The following SAMD3 variants were observed in gnomAD, a reference collection of about 807,000 sequenced individuals.
SAMD3 encodes the protein sterile alpha motif domain containing 3.
In SAMD3, 63 loss-of-function variants were observed where a neutral mutation model predicts 58.5. The observed-to-expected ratio is 1.08, with a 90% CI of 0.88 to 1.33. The LOEUF (loss-of-function observed/expected upper bound fraction) is 1.33. Among genes scored for constraint, SAMD3 ranks in the 40% most tolerant of loss-of-function variants. SAMD3 has a pLI of 0.00. For missense variants in SAMD3, 604 were observed against 608.4 expected (o/e 0.99, Z 0.08); for synonymous variants, 220 against 210.3 (o/e 1.05, Z -0.40).
intron 4 of SAMD3, among the ~76,000 whole-genome samples, chr6:130,211,887 T>C (rs913109635): frequency 6.7e-6 from 1 of 149,834 alleles, no homozygotes; most frequent in Non-Finnish European, 1.5e-5. Context: ...TGTACTCAAA[T>C]GGAAACCTAT....
intron 1 of SAMD3, among the ~76,000 whole-genome samples, chr6:130,349,977 A>G (rs1166189047): frequency 6.6e-6 from 1 of 152,236 alleles, no homozygotes; most frequent in East Asian, 1.9e-4. Flanking sequence ...AAACCACATG[A>G]TTATCTCAAT....
At chr6:130,203,288 C>A in intron 5 of SAMD3, among the ~76,000 whole-genome samples, 1 of 152,204 alleles carries the variant, frequency 6.6e-6, no homozygotes, top group South Asian at 2.1e-4. Context: ...TAAATTAATT[C>A]ATTCTTCTAT....
rs1789626796 is a variant in SAMD3 at position 130,154,801 on chromosome 6, T to C, written c.1023+24A>G. ...GTGTATATACATATATATGTGTGTGTATATATATATAGAATAAAGATACCT... is the reference window on the plus strand; with the variant it reads ...GTGTATATACATATATATGTGTGTGCATATATATATAGAATAAAGATACCT... On this transcript the variant is annotated intron_variant, in intron 9 of 11. Transcript: ENST00000439090. 3.2e-6 allele frequency: 4 copies of C among 1,248,246 alleles called. No homozygotes were observed. In the South Asian group the frequency reaches 5.1e-5, roughly 16 times the overall value. The allele number at this position is 1,248,246 out of a possible 1,614,324, so 77.3% of individuals were successfully genotyped here.
chr6:130,145,377 C>T lies in SAMD3; in HGVS notation c.1241G>A (p.Gly414Glu). 1 of 1,611,560 alleles carries T rather than the reference C, an allele frequency of 6.2e-7. No individual in the cohort carries two copies. The highest frequency in any genetic ancestry group is 1.3e-5 in the African/African-American group (1 of 75,018). ...GATGACAAAAAGGCTGGGATCATCC[C>T]CAAAAACATCTGGGAGGAGTAAACA... ...ATCLLLPDVF[G>E]DDPSLFVIMN... The change falls in exon 11 of 12, where the codon GGG (glycine) becomes GAG (glutamate). Residue 414 changes from glycine (G) to glutamate (E), a missense_variant. Gly to Glu is a moderately conservative substitution (Grantham distance 98, BLOSUM62 -2). Coordinates refer to ENST00000439090, the MANE Select transcript of SAMD3 (RefSeq NM_001017373.4).
At chr6:130,271,254 C>A (rs1224701103) in intron 2 of SAMD3, among the ~76,000 whole-genome samples, 2 of 152,122 alleles carry the variant, frequency 1.3e-5, no homozygotes, top group African/African-American at 4.8e-5. Context: ...CCTGCCTCAG[C>A]CTCCCAAAGT....
At chr6:130,316,288 T>TA (rs777240578) in intron 1 of SAMD3, among the ~76,000 whole-genome samples, 4,832 of 79,868 alleles carry the variant, frequency 0.06, 191 homozygotes, top group African/African-American at 0.11. Context: ...AAGGCTGTCT[T>TA]AAAAAAAAAA....
chr6:130,301,687 A>C (rs1041790650), intron 2 of SAMD3, among the ~76,000 whole-genome samples: 1 of 152,218 alleles, frequency 6.6e-6, no homozygotes, highest in Non-Finnish European at 1.5e-5. Context: ...AAACTATACC[A>C]TATGGCTATG....
intron 1 of SAMD3, among the ~76,000 whole-genome samples, chr6:130,315,834 T>C (rs918167486): frequency 2.0e-5 from 3 of 152,126 alleles, no homozygotes; most frequent in African/African-American, 4.8e-5. Context: ...ATGATATTAA[T>C]TCTATAACGA....
At chr6:130,252,480 G>T (rs889826574) in intron 2 of SAMD3, among the ~76,000 whole-genome samples, 42 of 152,136 alleles carry the variant, frequency 2.8e-4, no homozygotes, top group African/African-American at 9.7e-4. Flanking sequence ...AAAAGAAAGA[G>T]TAAACCAAGT....
rs564401613 is a variant in SAMD3 at position 130,214,855 on chromosome 6, C to G, written c.80-329G>C. The stretch of plus-strand genomic sequence containing the variant: ...AATTATTCTTCGTAATAGCTCCTAG[C>G]CAGTATTCAACTTTATAAACCCAAC... On this transcript the variant is annotated intron_variant, in intron 3 of 11. Coordinates refer to ENST00000439090, the MANE Select transcript of SAMD3 (RefSeq NM_001017373.4). Among the ~76,000 whole-genome samples the G allele has an allele frequency of 2.6e-5, 4 of 152,182 alleles. No individual in the cohort carries two copies. The East Asian group carries it at 7.7e-4, about 29-fold the overall frequency.
At chr6:130,250,624 C>T (rs1455386063) in intron 2 of SAMD3, among the ~76,000 whole-genome samples, 4 of 152,220 alleles carry the variant, frequency 2.6e-5, no homozygotes, top group African/African-American at 9.6e-5. Context: ...CAAGCAACCA[C>T]TAATCTGCCC....
At chr6:130,196,272 TCTTC>T (rs917201931) in intron 5 of SAMD3, among the ~76,000 whole-genome samples, 6 of 152,200 alleles carry the variant, frequency 3.9e-5, no homozygotes, top group African/African-American at 1.4e-4. Flanking sequence ...AAATCTATCT[TCTTC>T]CTCATACCTG....
At position 130,214,449 on chromosome 6, in the gene SAMD3, G is replaced by A. The variant is rs1024980652; in HGVS notation, c.157C>T (p.Gln53Ter). Residue 53 changes from glutamine (Q) to a stop codon, truncating the protein, a stop_gained, in exon 4 of 12, where the codon CAG (glutamine) becomes TAG (stop). Coordinates refer to ENST00000439090, the MANE Select transcript of SAMD3 (RefSeq NM_001017373.4). LOFTEE classifies it high-confidence loss of function. ...TTAATTAAATCCATCAGAACAGCCT[G>A]GTGCCCAATTTTCTTTACCAGTTGC... ...VQQLVKKIGH[Q>*]AVLMDLIKKY... The A allele has an allele frequency of 6.2e-7, 1 of 1,613,030 alleles. No individual in the cohort carries two copies. The highest frequency in any genetic ancestry group is 8.5e-7 in the Non-Finnish European group (1 of 1,179,550).
At chr6:130,211,821 C>T (rs568384263) in intron 4 of SAMD3, among the ~76,000 whole-genome samples, 4 of 151,370 alleles carry the variant, frequency 2.6e-5, no homozygotes, top group Non-Finnish European at 5.9e-5. Flanking sequence ...TTGATTGAGA[C>T]CTGTCTCAGA....
intron 2 of SAMD3, among the ~76,000 whole-genome samples, chr6:130,278,274 C>T (rs994587288): frequency 6.6e-6 from 1 of 152,144 alleles, no homozygotes; most frequent in African/African-American, 2.4e-5. Flanking sequence ...AACTCACTGG[C>T]CCCACCACCT....
intron 5 of SAMD3, among the ~76,000 whole-genome samples, chr6:130,194,217 ATCCGACCTC>A (rs1188046552): frequency 6.6e-6 from 1 of 152,070 alleles, no homozygotes; most frequent in African/African-American, 2.4e-5. Context: ...CTTTTTCTTT[ATCCGACCTC>A]TCCCAAATCA....
At chr6:130,244,081 G>C (rs1215175323) in intron 2 of SAMD3, among the ~76,000 whole-genome samples, 1 of 152,126 alleles carries the variant, frequency 6.6e-6, no homozygotes, top group Non-Finnish European at 1.5e-5. Flanking sequence ...CTTTTTCTGT[G>C]TAAGTAAGAC....
chr6:130,197,701 G>A (rs899691235), intron 5 of SAMD3, among the ~76,000 whole-genome samples: 2 of 152,012 alleles, frequency 1.3e-5, no homozygotes, highest in Non-Finnish European at 2.9e-5. Flanking sequence ...AATCCCGCTC[G>A]AAGCAGCCCT....
rs997400086 is a variant in SAMD3, at chr6:130,156,856, G to T, written c.823-1831C>A. On this transcript the variant is annotated intron_variant, in intron 8 of 11. Transcript: ENST00000439090. ...GGCCGAGGCGGGTGGATCACCTTAGGTCAGGAGTTTGAGACCAGCCTGGCT... is the reference window on the plus strand; with the variant it reads ...GGCCGAGGCGGGTGGATCACCTTAGTTCAGGAGTTTGAGACCAGCCTGGCT... Among the ~76,000 whole-genome samples the T allele has an allele frequency of 2.6e-5, 4 of 152,100 alleles. No homozygotes were observed. In the South Asian group the frequency reaches 8.3e-4, roughly 32 times the overall value.
Sources: gnomAD v4.1 joint callset for allele counts (sites outside exome capture counted in the v4.1 genomes callset) on GRCh38, gnomAD v4.1.1 for gene constraint, MANE v1.5 for transcripts, NCBI Gene and HGNC (gene_info 2026-07-23, HGNC 2026-07-21) for gene names.